TULP4: variants seen among roughly 807,000 people sequenced by gnomAD.
The protein encoded by TULP4 is TUB like protein 4, also known as tubby-related protein 4.
Under a neutral mutation model 129.0 loss-of-function variants are expected in TULP4, and 16 were observed. The ratio of observed to expected loss-of-function variants is 0.12; its 90% confidence interval spans 0.08 to 0.19. The LOEUF (loss-of-function observed/expected upper bound fraction) is 0.19. Ranked by LOEUF, TULP4 falls within the 10% of genes least tolerant of loss-of-function variation. The probability of loss-of-function intolerance (pLI) is 1.00; values close to 1 mark genes in which losing one functional copy is unlikely to be tolerated. For missense variants in TULP4, 1,842 were observed against 2,059.1 expected, an observed-to-expected ratio of 0.89 and a Z score of 2.04; for synonymous variants, 998 against 854.0, an observed-to-expected ratio of 1.17 and a Z score of -2.94.
intron 1 of TULP4, among the ~76,000 whole-genome samples, chr6:158,376,437 A>G (rs1346959755): frequency 4.6e-5 from 7 of 152,166 alleles, no homozygotes; most frequent in Admixed American, 4.6e-4. Flanking sequence ...CCCCGGCTCC[A>G]AAGGCATATG....
At chr6:158,353,972 G>A (rs1780583464) in intron 1 of TULP4, among the ~76,000 whole-genome samples, 2 of 152,248 alleles carry the variant, frequency 1.3e-5, no homozygotes, top group Non-Finnish European at 2.9e-5. Flanking sequence ...AGCTGCAGTG[G>A]TTGCTGTGGT....
At chr6:158,298,611 G>C (rs994410281) in intron 1 of TULP4, among the ~76,000 whole-genome samples, 1 of 152,128 alleles carries the variant, frequency 6.6e-6, no homozygotes, top group Non-Finnish European at 1.5e-5. Context: ...TACTTTTCCT[G>C]GAGTCAAAAC....
chr6:158,363,631 G>A (rs558771415), intron 1 of TULP4, among the ~76,000 whole-genome samples: 1 of 152,174 alleles, frequency 6.6e-6, no homozygotes, highest in Admixed American at 6.5e-5. Context: ...CTACAGGCAC[G>A]CATCACTACG....
chr6:158,492,925 T>C (rs1367038636), intron 9 of TULP4, among the ~76,000 whole-genome samples: 3 of 152,242 alleles, frequency 2.0e-5, no homozygotes, highest in African/African-American at 7.2e-5. Flanking sequence ...CAAAAAACTT[T>C]ACTAATTTGA....
chr6:158,404,297 A>G (rs1245324742), intron 1 of TULP4, among the ~76,000 whole-genome samples: 1 of 152,206 alleles, frequency 6.6e-6, no homozygotes, highest in African/African-American at 2.4e-5. Flanking sequence ...TAGCCCTTTC[A>G]TAAGTATTGA....
chr6:158,292,113 T>A (rs531057998), intron 1 of TULP4, among the ~76,000 whole-genome samples: 1 of 152,328 alleles, frequency 6.6e-6, no homozygotes, highest in African/African-American at 2.4e-5. Flanking sequence ...CAGCTAAGAT[T>A]TGTATTTGCT....
At chr6:158,495,639 T>C (rs1383290695) in intron 11 of TULP4, among the ~76,000 whole-genome samples, 1 of 152,144 alleles carries the variant, frequency 6.6e-6, no homozygotes, top group Non-Finnish European at 1.5e-5. Context: ...GTTTGGGAGT[T>C]TGAGACCAGC....
intron 11 of TULP4, among the ~76,000 whole-genome samples, chr6:158,495,668 C>T (rs1293593249): frequency 6.6e-6 from 1 of 152,042 alleles, no homozygotes; most frequent in Non-Finnish European, 1.5e-5. Context: ...CATGGAGAAC[C>T]TTTCTCTTCT....
At chr6:158,402,490 A>G (rs1046603595) in intron 1 of TULP4, among the ~76,000 whole-genome samples, 1 of 152,240 alleles carries the variant, frequency 6.6e-6, no homozygotes, top group African/African-American at 2.4e-5. Context: ...GGAAGTGCAG[A>G]CTGTCTGAGA....
chr6:158,308,113 A>G (rs1779249013), upstream of TULP4, among the ~76,000 whole-genome samples: 1 of 128,638 alleles, frequency 7.8e-6, no homozygotes. Flanking sequence ...CAAGTGAACA[A>G]AGGTCTCTGG....
At chr6:158,242,480 A>G (rs1341688158) in intron 1 of TULP4, 9 of 835,796 alleles carry the variant, frequency 1.1e-5, no homozygotes, top group South Asian at 2.7e-5. Flanking sequence ...ACACTTATCC[A>G]TAAAGCTCCT....
intron 2 of TULP4, among the ~76,000 whole-genome samples, chr6:158,429,377 A>G (rs705951): frequency 0.73 from 110,512 of 152,214 alleles, 40,597 homozygotes; most frequent in African/African-American, 0.79. Context: ...GACCTCAAGT[A>G]ATCTGCCTGC....
intron 6 of TULP4, among the ~76,000 whole-genome samples, chr6:158,467,340 T>C (rs910877734): frequency 1.1e-4 from 16 of 151,842 alleles, no homozygotes; most frequent in African/African-American, 3.6e-4. Flanking sequence ...AGTGCAATGT[T>C]GCGATCAGCG....
In TULP4 at chr6:158,387,315, A is replaced by G. The variant is rs118133451; in HGVS notation, c.253-25750A>G. Reference sequence around the variant, plus strand: ...TTAGATGACGATCTGTCAGTCCCGTATATCTATCTTAAAATTTCATGACGT... The same window carrying G: ...TTAGATGACGATCTGTCAGTCCCGTGTATCTATCTTAAAATTTCATGACGT... On this transcript the variant is annotated intron_variant, in intron 1 of 13. Transcript: ENST00000367097. Among the ~76,000 whole-genome samples the G allele has an allele frequency of 3.4e-3, 520 of 152,308 alleles. 5 individuals carry two copies. Among genetic ancestry groups the G allele is most frequent in the Admixed American group, 0.014 (215 of 15,304 alleles).
rs558042398 is a variant in TULP4 at position 158,270,462 on chromosome 6, G to A, written n.68+38159G>A. On this transcript the variant is annotated intron_variant and non_coding_transcript_variant, in intron 1 of 1. Transcript: ENST00000620026. ...TCTCACTGTGTAGGGTGCTTCTCGG[G>A]GCTAGGGACTGGACTTCGATGAGTT... 7.2e-5 allele frequency among the ~76,000 whole-genome samples: 11 copies of A among 152,182 alleles called. No individual in the cohort carries two copies. The South Asian group carries it at 2.3e-3, about 32-fold the overall frequency.
chr6:158,468,113 C>G (rs1198765386), intron 6 of TULP4, among the ~76,000 whole-genome samples: 1 of 152,134 alleles, frequency 6.6e-6, no homozygotes, highest in Non-Finnish European at 1.5e-5. Flanking sequence ...TAAACAGTTG[C>G]GACTCCACTC....
intron 3 of TULP4, among the ~76,000 whole-genome samples, chr6:158,446,356 A>G (rs1779041570): frequency 6.6e-6 from 1 of 152,046 alleles, no homozygotes; most frequent in African/African-American, 2.4e-5. Context: ...TGGGAACTGT[A>G]GTTGTAATTC....
intron 1 of TULP4, among the ~76,000 whole-genome samples, chr6:158,285,298 A>T (rs1778817181): frequency 6.6e-6 from 1 of 152,178 alleles, no homozygotes; most frequent in Admixed American, 6.5e-5. Flanking sequence ...TTGTTTATTA[A>T]CAATAAACAA....
At chr6:158,449,237 A>G (rs1334166842) in intron 4 of TULP4, 61 bp downstream of exon 4, 3 of 1,512,042 alleles carry the variant, frequency 2.0e-6, no homozygotes. Context: ...GCATCGGAGC[A>G]GAGTAGACTG....
Sources: allele counts gnomAD v4.1 joint callset (sites outside exome capture counted in the v4.1 genomes callset), GRCh38; gene constraint gnomAD v4.1.1; transcripts MANE v1.5; gene names NCBI Gene and HGNC (gene_info 2026-07-23, HGNC 2026-07-21).